The following DYNC1LI2 variants were observed in gnomAD, a reference collection of about 807,000 sequenced individuals.
DYNC1LI2 encodes the protein cytoplasmic dynein 1 light intermediate chain 2.
In DYNC1LI2, 19 loss-of-function variants were observed where a neutral mutation model predicts 57.8. That is an observed-to-expected ratio of 0.33 (90% CI 0.23 to 0.48). The LOEUF (loss-of-function observed/expected upper bound fraction) is 0.48. Ranked by LOEUF, DYNC1LI2 falls within the 20% of genes least tolerant of loss-of-function variation. The pLI, the probability that DYNC1LI2 is intolerant of heterozygous loss-of-function variation, is 0.99. For synonymous variants in DYNC1LI2, 256 were observed against 233.4 expected (o/e 1.10, Z -0.88); for missense variants, 470 against 604.2 (o/e 0.78, Z 2.33).
At position 66,751,235 on chromosome 16, in the gene DYNC1LI2, C is replaced by G; in HGVS notation, c.181+38G>C. The G allele has an allele frequency of 6.2e-7, 1 of 1,603,116 alleles. No homozygotes were observed. On this transcript the variant is annotated intron_variant, in intron 2 of 12. Coordinates refer to ENST00000258198, the MANE Select transcript of DYNC1LI2 (RefSeq NM_006141.3). This position sits in a 1 kb window ranked among gnomAD's most constrained non-coding sequence, Gnocchi z 5.2. ...GGGAGGGGCGCCCGCCTCGCCCACC[C>G]CAGCGACCTGGGGCAACGCCCCGCC...
chr16:66,747,965 A>G (rs970409371), intron 3 of DYNC1LI2, among the ~76,000 whole-genome samples: 5 of 152,022 alleles, frequency 3.3e-5, no homozygotes, highest in Non-Finnish European at 5.9e-5. Context: ...CTAGGTACCA[A>G]TGGTTATTTA....
Position 66,723,600 on chromosome 16 carries a change from TA to T in DYNC1LI2, c.*121del. The T allele has an allele frequency of 1.2e-5, 9 of 782,450 alleles. No individual in the cohort carries two copies. The highest frequency in any genetic ancestry group is 1.8e-5 in the African/African-American group (1 of 56,376). The allele number at this position is 782,450 out of a possible 1,614,324, so 48.5% of individuals were successfully genotyped here. On this transcript the variant is annotated 3_prime_UTR_variant, in exon 13 of 13. Coordinates refer to ENST00000258198, the MANE Select transcript of DYNC1LI2 (RefSeq NM_006141.3). The stretch of plus-strand genomic sequence containing the variant: ...GCCAATGAAGTTTTTTTTTTTTTTT[TA>T]AAGTTCATCTCCCCTGCCCCAAAAA...
At chr16:66,725,709 C>T (rs1251018150) in intron 12 of DYNC1LI2, 119 bp downstream of exon 12, 2 of 980,720 alleles carry the variant, frequency 2.0e-6, no homozygotes, top group Non-Finnish European at 3.0e-6. Flanking sequence ...GAAATGAAGA[C>T]CTGCTTCCTT....
chr16:66,731,761 G>A (rs2017641327), intron 7 of DYNC1LI2: 1 of 152,310 alleles, frequency 6.6e-6, no homozygotes, highest in South Asian at 2.1e-4. Context: ...GCTAACACAA[G>A]TCTTGTCAGA....
At chr16:66,725,001 G>A (rs1037093709) in intron 12 of DYNC1LI2, among the ~76,000 whole-genome samples, 7 of 150,840 alleles carry the variant, frequency 4.6e-5, no homozygotes, top group East Asian at 3.9e-4. Flanking sequence ...GCGAAAAACC[G>A]TCTCTACTAA....
At position 66,723,751 on chromosome 16, in the gene DYNC1LI2, T is replaced by C. The variant is rs778745507; in HGVS notation, c.1450A>G (p.Thr484Ala). The change falls in exon 13 of 13, where the codon ACA (threonine) becomes GCA (alanine). Residue 484 changes from threonine (T) to alanine (A), a missense_variant. Coordinates refer to ENST00000258198, the MANE Select transcript of DYNC1LI2 (RefSeq NM_006141.3). ...RMTRKPDSMV[T>A]NSSTENEA Reference sequence around the variant, plus strand: ...GCTTCATTTTCTGTTGAAGAGTTTGTTACCATAGAGTCTGGCTTTCGAGTC... The same window carrying C: ...GCTTCATTTTCTGTTGAAGAGTTTGCTACCATAGAGTCTGGCTTTCGAGTC... 3 of 1,609,720 alleles carry C rather than the reference T, an allele frequency of 1.9e-6. No homozygotes were observed. In the South Asian group the frequency reaches 3.3e-5, roughly 18 times the overall value.
rs1050670302 is a variant in DYNC1LI2 at position 66,749,109 on chromosome 16, T to C, written c.298+88A>G. On this transcript the variant is annotated intron_variant, in intron 3 of 12. Coordinates refer to ENST00000258198, the MANE Select transcript of DYNC1LI2 (RefSeq NM_006141.3). ...TGAGAACCAAACAGAAAACTGAGAA[T>C]GCCTGGCCATGCTGCAGGAACTGCA... The C allele has an allele frequency of 8.7e-6, 11 of 1,258,004 alleles. 1 individual carries two copies. The African/African-American group carries it at 1.6e-4, about 19-fold the overall frequency. The allele number at this position is 1,258,004 out of a possible 1,614,324, so 77.9% of individuals were successfully genotyped here.
At chr16:66,730,313 C>T (rs968459635) in intron 7 of DYNC1LI2, 90 bp from the exon 8 acceptor site, 10 of 1,101,184 alleles carry the variant, frequency 9.1e-6, no homozygotes, top group Admixed American at 2.6e-5. Flanking sequence ...GGGTAGGACA[C>T]TTCTCACAAG....
intron 4 of DYNC1LI2, among the ~76,000 whole-genome samples, chr16:66,740,867 T>G (rs1003105248): frequency 6.6e-6 from 1 of 152,208 alleles, no homozygotes; most frequent in African/African-American, 2.4e-5. Context: ...ACCTCCAGAT[T>G]TCATTTACAG....
intron 4 of DYNC1LI2, among the ~76,000 whole-genome samples, chr16:66,737,719 A>T (rs1381225918): frequency 1.3e-5 from 2 of 152,212 alleles, no homozygotes; most frequent in Non-Finnish European, 2.9e-5. Context: ...AGAAAGGGTC[A>T]GTGGTACAAC....
At chr16:66,746,503 C>T (rs1409043907) in intron 3 of DYNC1LI2, among the ~76,000 whole-genome samples, 1 of 151,896 alleles carries the variant, frequency 6.6e-6, no homozygotes, top group Non-Finnish European at 1.5e-5. Flanking sequence ...AAGCGGGTGG[C>T]CTAAAAAAAT....
chr16:66,743,296 G>A (rs903698648), intron 3 of DYNC1LI2, among the ~76,000 whole-genome samples: 7 of 152,124 alleles, frequency 4.6e-5, no homozygotes, highest in African/African-American at 1.4e-4. Flanking sequence ...CAGTGCGGTG[G>A]CTCACACCTA....
At position 66,751,137 on chromosome 16, in the gene DYNC1LI2, C is replaced by T. The variant is rs2018040817; in HGVS notation, c.181+136G>A. On this transcript the variant is annotated intron_variant, in intron 2 of 12. Coordinates refer to ENST00000258198, the MANE Select transcript of DYNC1LI2 (RefSeq NM_006141.3). This position sits in a 1 kb window ranked among gnomAD's most constrained non-coding sequence, Gnocchi z 5.2. ...GGAGGCTTGACCACTCTCCAGCTGA[C>T]CGGCCAGGGCCGACGGTCCCTTTCC... The T allele has an allele frequency of 9.8e-7, 1 of 1,023,400 alleles. No individual in the cohort carries two copies. Among genetic ancestry groups the T allele is most frequent in the Non-Finnish European group, 1.4e-6 (1 of 719,854 alleles). The allele number at this position is 1,023,400 out of a possible 1,614,324, so 63.4% of individuals were successfully genotyped here. A position where few individuals can be genotyped will look rare whatever the true frequency, so the allele number is the denominator to read the frequency against.
chr16:66,729,570 AGTT>A (rs1217044192), intron 8 of DYNC1LI2, among the ~76,000 whole-genome samples: 1 of 128,428 alleles, frequency 7.8e-6, no homozygotes, highest in Non-Finnish European at 1.6e-5. Flanking sequence ...GTTTCTTTAT[AGTT>A]TTTTTTTTTT....
At chr16:66,745,177 C>T (rs1267467906) in intron 3 of DYNC1LI2, among the ~76,000 whole-genome samples, 2 of 152,102 alleles carry the variant, frequency 1.3e-5, no homozygotes, top group Non-Finnish European at 2.9e-5. Context: ...GTTGGGATTA[C>T]AGGCATGAGC....
intron 11 of DYNC1LI2, among the ~76,000 whole-genome samples, chr16:66,726,608 A>T (rs1567447648): frequency 6.6e-6 from 1 of 152,210 alleles, no homozygotes; most frequent in African/African-American, 2.4e-5. Context: ...AGCCTCGGCA[A>T]CGTAAGTGAG....
In DYNC1LI2 at chr16:66,742,534, C is replaced by T. The variant is rs2017859621; in HGVS notation, c.433G>A (p.Val145Met). ...GCCCATTTCTGCAGAGATTCCATCA[C>T]AGTCCAAGGTCTAGACATGTCTGCA... ...FVADMSRPWT[V>M]MESLQKWASV... is the part of the protein sequence containing the mutation. Residue 145 changes from valine (V) to methionine (M), a missense_variant, in exon 4 of 13, where the codon GTG (valine) becomes ATG (methionine). Val to Met is a conservative substitution (Grantham distance 21). Transcript: ENST00000258198. 6.2e-7 allele frequency: 1 copy of T among 1,614,116 alleles called. No homozygotes were observed. Among genetic ancestry groups the T allele is most frequent in the South Asian group, 1.1e-5 (1 of 91,094 alleles).
intron 3 of DYNC1LI2, among the ~76,000 whole-genome samples, chr16:66,745,972 T>TAAAAA (rs571275376): frequency 2.0e-5 from 3 of 151,304 alleles, no homozygotes; most frequent in Non-Finnish European, 4.4e-5. Context: ...AAAATATACT[T>TAAAAA]AAAAAAAAAC....
rs529067499 is a variant in DYNC1LI2 at position 66,751,207 on chromosome 16, T to C, written c.181+66A>G. ...GGCTGGAACGGGGAAGGCGGGGACC[T>C]GAGGGAGGGGCGCCCGCCTCGCCCA... On this transcript the variant is annotated intron_variant, in intron 2 of 12. Transcript: ENST00000258198. The surrounding 1 kb of genome is among the most constrained non-coding windows in gnomAD (Gnocchi z 5.2). 1.3e-5 allele frequency: 20 copies of C among 1,550,060 alleles called. No individual in the cohort carries two copies. Among genetic ancestry groups the C allele is most frequent in the Admixed American group, 9.1e-5 (5 of 55,086 alleles).
Sources: allele counts gnomAD v4.1 joint callset (sites outside exome capture counted in the v4.1 genomes callset), GRCh38; gene constraint gnomAD v4.1.1; non-coding constraint Gnocchi (gnomAD v3.1); transcripts MANE v1.5; gene names NCBI Gene and HGNC (gene_info 2026-07-23, HGNC 2026-07-21).